Variants in CCDC144A observed in about 807,000 individuals in gnomAD.
CCDC144A encodes the protein coiled-coil domain containing 144A, also known as coiled-coil domain-containing protein 144A.
A neutral mutation model predicts 143.8 loss-of-function variants in CCDC144A; 41 were observed. The observed-to-expected ratio is 0.29, with a 90% CI of 0.22 to 0.37. The LOEUF (loss-of-function observed/expected upper bound fraction) is 0.37, where lower values mean the gene tolerates loss of function less well. CCDC144A is among the 10% of genes least tolerant of loss of function. The pLI is 1.00. For missense variants in CCDC144A, 637 were observed against 1,488.8 expected, an observed-to-expected ratio of 0.43 and a Z score of 9.41; for synonymous variants, 242 against 517.9, an observed-to-expected ratio of 0.47 and a Z score of 7.23.
At chr17:16,738,992 G>C (rs1033544540) in intron 12 of CCDC144A, among the ~76,000 whole-genome samples, 5 of 142,308 alleles carry the variant, frequency 3.5e-5, no homozygotes, top group Non-Finnish European at 7.5e-5. Context: ...CAACCTAGAG[G>C]TATGAAGTGG....
At chr17:16,747,937 T>C (rs966155260) in intron 12 of CCDC144A, among the ~76,000 whole-genome samples, 3 of 152,238 alleles carry the variant, frequency 2.0e-5, no homozygotes, top group Non-Finnish European at 2.9e-5. Context: ...TTGCTCTGGC[T>C]AGGAGTTCCA....
intron 12 of CCDC144A, among the ~76,000 whole-genome samples, chr17:16,750,630 A>G (rs1187965833): frequency 2.0e-5 from 3 of 151,838 alleles, no homozygotes; most frequent in African/African-American, 7.3e-5. Flanking sequence ...ATCCTCAGAC[A>G]TGTTTTCCAT....
At chr17:16,705,457 C>CTA (rs1911996199) in intron 3 of CCDC144A, 58 bp downstream of exon 3, 1 of 611,114 alleles carries the variant, frequency 1.6e-6, no homozygotes, top group Non-Finnish European at 3.0e-6. Flanking sequence ...CTGCATAGAG[C>CTA]TATAGTTCTG....
chr17:16,759,045 A>T (rs536812570), intron 12 of CCDC144A, among the ~76,000 whole-genome samples: 50 of 152,314 alleles, frequency 3.3e-4, no homozygotes, highest in African/African-American at 1.1e-3. Context: ...AGGTCTTAAA[A>T]TAGAGCCTTA....
chr17:16,751,607 C>T (rs1396461922), intron 12 of CCDC144A, among the ~76,000 whole-genome samples: 1 of 152,220 alleles, frequency 6.6e-6, no homozygotes, highest in Non-Finnish European at 1.5e-5. Context: ...CACCTCCCAC[C>T]CTTAGGGCAG....
rs547334467 is a variant in CCDC144A, at chr17:16,766,985, T to G, written c.4098+2810T>G. On this transcript the variant is annotated intron_variant, in intron 15 of 16. Coordinates refer to ENST00000399273, the MANE Select transcript of CCDC144A (RefSeq NM_001382000.1). ...CATGTTAGATTTACTAAAAGAGATT[T>G]AAAAGCATGATTATATCAAGATATG... The G allele has an allele frequency of 2.6e-5, 4 of 152,178 alleles. No homozygotes were observed. In the East Asian group the frequency reaches 7.8e-4, roughly 30 times the overall value. The allele number at this position is 152,178 out of a possible 1,614,324, so 9.4% of individuals were successfully genotyped here.
At chr17:16,682,888 T>TTTG in the CCDC144A span, among the ~76,000 whole-genome samples, 3 of 61,880 alleles carry the variant, frequency 4.8e-5, no homozygotes, top group African/African-American at 2.0e-4. Flanking sequence ...TCTCTGTTTT[T>TTTG]TTTTTTTTTT....
At chr17:16,671,443 G>A in the CCDC144A span, among the ~76,000 whole-genome samples, 3 of 151,942 alleles carry the variant, frequency 2.0e-5, no homozygotes, top group African/African-American at 7.2e-5. Flanking sequence ...AGCATAAGTG[G>A]TCTGATATTA....
At chr17:16,694,753 CT>C (rs1436950866) in intron 2 of CCDC144A, among the ~76,000 whole-genome samples, 1 of 151,746 alleles carries the variant, frequency 6.6e-6, no homozygotes, top group African/African-American at 2.4e-5. Flanking sequence ...CTATTATTGA[CT>C]TTCCCCCAAT....
intron 12 of CCDC144A, among the ~76,000 whole-genome samples, chr17:16,740,379 A>G (rs1326823528): frequency 6.6e-6 from 1 of 152,186 alleles, no homozygotes; most frequent in Non-Finnish European, 1.5e-5. Flanking sequence ...TTTATAGTTC[A>G]ATACATAATT....
the CCDC144A span, chr17:16,683,700 G>A: frequency 4.4e-6 from 7 of 1,598,402 alleles, no homozygotes; most frequent in Middle Eastern, 2.3e-4. Flanking sequence ...ACATGGACAA[G>A]AATCGGAGAC....
intron 15 of CCDC144A, among the ~76,000 whole-genome samples, chr17:16,767,774 ATATAT>A (rs1430835810): frequency 3.3e-5 from 5 of 152,238 alleles, no homozygotes; most frequent in Admixed American, 6.5e-5. Flanking sequence ...CAGAGAAATA[ATATAT>A]TATAACTGGT....
the CCDC144A span, among the ~76,000 whole-genome samples, chr17:16,671,161 T>A: frequency 6.6e-6 from 1 of 151,914 alleles, no homozygotes; most frequent in African/African-American, 2.4e-5. Flanking sequence ...TTTTGTACTT[T>A]CAATAGAGAC....
rs575540728 is a variant in CCDC144A, at chr17:16,763,942, T to C, written c.3888-23T>C. 19 of 1,594,072 alleles carry C rather than the reference T, an allele frequency of 1.2e-5. No homozygotes were observed. The African/African-American group carries it at 2.3e-4, about 19-fold the overall frequency. On this transcript the variant is annotated intron_variant, in intron 14 of 16. Coordinates refer to ENST00000399273, the MANE Select transcript of CCDC144A (RefSeq NM_001382000.1). ...TTAGGAAAAAATGAAATACTAAGCA[T>C]TTGTCTTTTTCAATCTTCATAGAAC...
At chr17:16,702,170 G>C (rs1283836019) in intron 2 of CCDC144A, among the ~76,000 whole-genome samples, 2 of 152,122 alleles carry the variant, frequency 1.3e-5, no homozygotes, top group African/African-American at 4.8e-5. Context: ...GGCACATTCT[G>C]GCAGCTTGAG....
intron 12 of CCDC144A, among the ~76,000 whole-genome samples, chr17:16,747,354 A>G (rs1287964912): frequency 6.6e-6 from 1 of 152,214 alleles, no homozygotes; most frequent in Non-Finnish European, 1.5e-5. Flanking sequence ...AATGTGATGC[A>G]TCAGGCTTGG....
At chr17:16,685,335 C>A (rs556181181), upstream of CCDC144A, among the ~76,000 whole-genome samples, 1 of 151,650 alleles carries the variant, frequency 6.6e-6, no homozygotes, top group African/African-American at 2.4e-5. Flanking sequence ...CTTTTCCATG[C>A]CTTTTTGCAC....
chr17:16,763,181 A>G (rs1266912442), intron 14 of CCDC144A, among the ~76,000 whole-genome samples: 10 of 151,058 alleles, frequency 6.6e-5, no homozygotes, highest in Non-Finnish European at 1.3e-4. Context: ...GGTCAGCCTG[A>G]GGCGGTATAT....
At chr17:16,757,636 C>G (rs1446093457) in intron 12 of CCDC144A, among the ~76,000 whole-genome samples, 1 of 152,236 alleles carries the variant, frequency 6.6e-6, no homozygotes, top group African/African-American at 2.4e-5. Flanking sequence ...GCTTGACAGG[C>G]TTGTTCTCAG....
Sources: gnomAD v4.1 joint callset for allele counts (sites outside exome capture counted in the v4.1 genomes callset) on GRCh38, gnomAD v4.1.1 for gene constraint, MANE v1.5 for transcripts, NCBI Gene and HGNC (gene_info 2026-07-23, HGNC 2026-07-21) for gene names.